Variants in RASSF5 observed in about 807,000 individuals in gnomAD.
RASSF5 encodes the protein Ras association domain family member 5.
A neutral mutation model predicts 40.5 loss-of-function variants in RASSF5; 25 were observed. The ratio of observed to expected loss-of-function variants is 0.62; its 90% CI spans 0.45 to 0.86. The LOEUF (loss-of-function observed/expected upper bound fraction) is 0.86, where lower values mean the gene tolerates loss of function less well. RASSF5 is among the 40% of genes least tolerant of loss of function. The pLI is 0.00. For missense variants in RASSF5, 521 were observed against 572.8 expected (o/e 0.91, Z 0.92); for synonymous variants, 246 against 252.4 (o/e 0.97, Z 0.24).
rs1286132270 is a variant in RASSF5, at chr1:206,585,018, GT to G, written c.989-160del. 2.0e-5 allele frequency: 13 copies of G among 650,814 alleles called. No homozygotes were observed. The East Asian group carries it at 3.1e-4, about 15-fold the overall frequency. The allele number at this position is 650,814 out of a possible 1,614,324, so 40.3% of individuals were successfully genotyped here. ...TCTGAGCAGACACCCAAGATAAAAG[GT>G]TATTGCCCTGTTCATTACTGTCATG... On this transcript the variant is annotated intron_variant, in intron 4 of 5. Coordinates refer to ENST00000579436, the MANE Select transcript of RASSF5 (RefSeq NM_182663.4).
chr1:206,581,441 A>G (rs1396053255), intron 2 of RASSF5, among the ~76,000 whole-genome samples: 1 of 152,132 alleles, frequency 6.6e-6, no homozygotes, highest in Admixed American at 6.5e-5. Context: ...CTACTAAAAA[A>G]TACAAAAATT....
At position 206,533,332 on chromosome 1, in the gene RASSF5, A is replaced by C. The variant is rs148663092; in HGVS notation, c.458-4840A>C. On this transcript the variant is annotated intron_variant, in intron 1 of 5. Transcript: ENST00000579436. ...TGTCCTGTCCTGCCGGCCCACTGTG[A>C]TCTCTGGAGGAGGTTTCCACTAGAA... Among the ~76,000 whole-genome samples, 26 of 152,200 alleles carry C rather than the reference A, an allele frequency of 1.7e-4. No homozygotes were observed. In the East Asian group the frequency reaches 4.8e-3, roughly 28 times the overall value.
chr1:206,568,218 G>C lies in RASSF5; in HGVS notation c.580-15051G>C, dbSNP rs184943595. Among the ~76,000 whole-genome samples the C allele has an allele frequency of 2.4e-3, 369 of 152,312 alleles. 1 individual carries two copies. The highest frequency in any genetic ancestry group is 8.5e-3 in the African/African-American group (352 of 41,562). On this transcript the variant is annotated intron_variant, in intron 2 of 5. Coordinates refer to ENST00000579436, the MANE Select transcript of RASSF5 (RefSeq NM_182663.4). The stretch of plus-strand genomic sequence containing the variant: ...CAGTGAGGGGACACAAGCATTAAAA[G>C]ACTCAGAGCTAGTTAATAGCTAAGT...
At chr1:206,557,444 C>T (rs1331511538) in intron 2 of RASSF5, 17 of 1,436,604 alleles carry the variant, frequency 1.2e-5, no homozygotes, top group Non-Finnish European at 1.5e-5. Context: ...CGACCAGCTC[C>T]CGGCTCGGGG....
chr1:206,562,051 A>G (rs1553402742), intron 2 of RASSF5, among the ~76,000 whole-genome samples: 1 of 152,114 alleles, frequency 6.6e-6, no homozygotes. Context: ...CTACAGTGAC[A>G]CCATTGAATT....
intron 2 of RASSF5, among the ~76,000 whole-genome samples, chr1:206,546,499 A>G (rs150618314): frequency 2.0e-5 from 3 of 152,100 alleles, no homozygotes; most frequent in African/African-American, 4.8e-5. Flanking sequence ...ACTTGAATGT[A>G]CTTTATGATT....
At chr1:206,572,511 G>A (rs544361230) in intron 2 of RASSF5, 1 of 152,254 alleles carries the variant, frequency 6.6e-6, no homozygotes, top group South Asian at 2.1e-4. Flanking sequence ...TGGTTCCCCC[G>A]GACTGTCCTG....
chr1:206,580,741 A>C (rs1283044117), intron 2 of RASSF5: 1 of 152,244 alleles, frequency 6.6e-6, no homozygotes, highest in Non-Finnish European at 1.5e-5. Flanking sequence ...GGTGGTCTGC[A>C]ACAGAATCAA....
chr1:206,573,893 G>A (rs1668541961), intron 2 of RASSF5, among the ~76,000 whole-genome samples: 1 of 152,252 alleles, frequency 6.6e-6, no homozygotes, highest in Admixed American at 6.5e-5. Context: ...ACTTGATCAA[G>A]TTCACAGAAG....
At chr1:206,562,708 G>T (rs113021654) in intron 2 of RASSF5, among the ~76,000 whole-genome samples, 3,636 of 152,186 alleles carry the variant, frequency 0.024, 133 homozygotes, top group African/African-American at 0.083. Context: ...CGAGACGGGC[G>T]GATCACGAGG....
At chr1:206,571,331 C>CTTA (rs1572350958) in intron 2 of RASSF5, 1 of 151,904 alleles carries the variant, frequency 6.6e-6, no homozygotes, top group East Asian at 1.9e-4. Flanking sequence ...ATATCAATCC[C>CTTA]TTATGGCATA....
At chr1:206,551,379 C>G (rs1485980882) in intron 2 of RASSF5, among the ~76,000 whole-genome samples, 1 of 152,214 alleles carries the variant, frequency 6.6e-6, no homozygotes, top group East Asian at 1.9e-4. Flanking sequence ...TCCACGTTAC[C>G]CTGAGCGGAC....
intron 5 of RASSF5, 54 bp downstream of exon 5, chr1:206,585,349 C>A: frequency 7.4e-7 from 1 of 1,351,868 alleles, no homozygotes; most frequent in Non-Finnish European, 1.1e-6. Context: ...TGGGTGGGTG[C>A]AGGTGGGTGT....
chr1:206,582,668 A>G (rs1017332682), intron 2 of RASSF5, among the ~76,000 whole-genome samples: 2 of 152,164 alleles, frequency 1.3e-5, no homozygotes, highest in African/African-American at 4.8e-5. Flanking sequence ...TGACAAATAG[A>G]TATTTACTTC....
At chr1:206,570,168 T>G (rs1668404615) in intron 2 of RASSF5, among the ~76,000 whole-genome samples, 1 of 149,968 alleles carries the variant, frequency 6.7e-6, no homozygotes. Context: ...ATTGGCTCAC[T>G]GTAACCTCTG....
chr1:206,526,437 GA>G (rs782026551), intron 1 of RASSF5, among the ~76,000 whole-genome samples: 17 of 152,170 alleles, frequency 1.1e-4, no homozygotes, highest in Non-Finnish European at 2.1e-4. Context: ...CAAGAGGGCT[GA>G]GCTTTGCCTC....
chr1:206,555,474 G>C (rs1221773183), intron 2 of RASSF5, among the ~76,000 whole-genome samples: 3 of 151,814 alleles, frequency 2.0e-5, no homozygotes, highest in Non-Finnish European at 2.9e-5. Context: ...TGTTATTGAT[G>C]GCCCAAGGAT....
At chr1:206,525,078 TC>T (rs1667062971) in intron 1 of RASSF5, among the ~76,000 whole-genome samples, 2 of 152,208 alleles carry the variant, frequency 1.3e-5, no homozygotes, top group African/African-American at 4.8e-5. Flanking sequence ...CCTCTCTTCC[TC>T]TGCCCACTCC....
Position 206,507,931 on chromosome 1 carries a change from C to A in RASSF5, c.329C>A (p.Pro110Gln). The A allele has an allele frequency of 6.6e-7, 1 of 1,520,638 alleles. No homozygotes were observed. The highest frequency in any genetic ancestry group is 8.8e-7 in the Non-Finnish European group (1 of 1,142,140). The allele number at this position is 1,520,638 out of a possible 1,614,324, so 94.2% of individuals were successfully genotyped here. The change falls in exon 1 of 6, where the codon CCG (proline) becomes CAG (glutamine). Residue 110 changes from proline to glutamine, a missense_variant. By Grantham distance (76) the Pro-to-Gln change is moderately conservative (BLOSUM62 -1). Transcript: ENST00000579436. ...GACGTGCGGAGCATCTTCGAGCAGC[C>A]GCAGGATCCCAGAGTCCCGGCGGAG... is the stretch of plus-strand genomic sequence containing the variant. ...PRDVRSIFEQPQDPRVPAERG... is the reference protein window; with the variant it reads ...PRDVRSIFEQQQDPRVPAERG...
Sources: allele counts gnomAD v4.1 joint callset (sites outside exome capture counted in the v4.1 genomes callset), GRCh38; gene constraint gnomAD v4.1.1; transcripts MANE v1.5; gene names NCBI Gene and HGNC (gene_info 2026-07-23, HGNC 2026-07-21).